The following RALGAPA1 variants were observed in gnomAD, a reference collection of about 807,000 sequenced individuals.
RALGAPA1 encodes Ral GTPase activating protein catalytic subunit alpha 1, also known as ral GTPase-activating protein subunit alpha-1.
Under a neutral mutation model 269.6 loss-of-function variants are expected in RALGAPA1, and 52 were observed. That is an observed-to-expected ratio of 0.19 (90% confidence interval 0.15 to 0.24). The LOEUF (loss-of-function observed/expected upper bound fraction) is 0.24, where lower values mean the gene tolerates loss of function less well. Among genes scored for constraint, RALGAPA1 ranks in the 10% least tolerant of loss-of-function variants. The pLI is 1.00. For synonymous variants in RALGAPA1, 817 were observed against 1,008.3 expected, an observed-to-expected ratio of 0.81 and a Z score of 3.60; for missense variants, 1,917 against 3,013.9, an observed-to-expected ratio of 0.64 and a Z score of 8.52.
At chr14:35,565,218 A>C (rs2056593028) in intron 39 of RALGAPA1, among the ~76,000 whole-genome samples, 1 of 151,638 alleles carries the variant, frequency 6.6e-6, no homozygotes, top group Admixed American at 6.6e-5. Context: ...TAAGGATAAA[A>C]AGAAAAGAAA....
intron 16 of RALGAPA1, among the ~76,000 whole-genome samples, chr14:35,701,425 A>G (rs1313590183): frequency 6.6e-6 from 1 of 152,184 alleles, no homozygotes; most frequent in African/African-American, 2.4e-5. Context: ...AACTCACACA[A>G]GGCCTTTACG....
intron 36 of RALGAPA1, among the ~76,000 whole-genome samples, chr14:35,604,724 A>G (rs1409039897): frequency 6.6e-6 from 1 of 152,138 alleles, no homozygotes. Context: ...TGTACTATAT[A>G]ATAAATATAT....
Position 35,572,730 on chromosome 14 carries a change from A to G in RALGAPA1, c.7210-12T>C. The G allele has an allele frequency of 6.3e-7, 1 of 1,590,640 alleles. No individual in the cohort carries two copies. Among genetic ancestry groups the G allele is most frequent in the Non-Finnish European group, 8.5e-7 (1 of 1,169,840 alleles). ...CCCAAATGTCTCAACTGGAAAGACA[A>G]GAAAACAATTTATACTGCTTTAAAA... On this transcript the variant is annotated splice_polypyrimidine_tract_variant and intron_variant, in intron 37 of 41. Transcript: ENST00000680220.
At chr14:35,751,148 AT>A (rs2072645870) in intron 8 of RALGAPA1, among the ~76,000 whole-genome samples, 3 of 152,196 alleles carry the variant, frequency 2.0e-5, no homozygotes. Flanking sequence ...TATGGCAGAG[AT>A]ATGCTTCTAA....
At chr14:35,685,775 G>A (rs761996184) in intron 19 of RALGAPA1, among the ~76,000 whole-genome samples, 1 of 152,120 alleles carries the variant, frequency 6.6e-6, no homozygotes, top group Non-Finnish European at 1.5e-5. Flanking sequence ...ATGGTGGTGT[G>A]CACCTGTAAT....
chr14:35,723,468 C>T (rs2069616283), intron 14 of RALGAPA1: 3 of 407,304 alleles, frequency 7.4e-6, no homozygotes, highest in Non-Finnish European at 8.8e-6. Context: ...CTGCCAACTC[C>T]CAACACCCAG....
At position 35,710,667 on chromosome 14, in the gene RALGAPA1, G is replaced by T. The variant is rs765277241; in HGVS notation, c.2267-10365C>A. The stretch of plus-strand genomic sequence containing the variant: ...ATGATGTTTCGGTCACCAACAGACC[G>T]CATGTATGATGGTGGTCCTTATGGA... On this transcript the variant is annotated intron_variant, in intron 16 of 41. Coordinates refer to ENST00000680220, the MANE Select transcript of RALGAPA1 (RefSeq NM_001346249.2). 3.9e-5 allele frequency among the ~76,000 whole-genome samples: 6 copies of T among 152,250 alleles called. No individual in the cohort carries two copies. The South Asian group carries it at 1.2e-3, about 32-fold the overall frequency.
chr14:35,777,456 T>A (rs2075122577), intron 1 of RALGAPA1, among the ~76,000 whole-genome samples: 2 of 152,232 alleles, frequency 1.3e-5, no homozygotes, highest in Non-Finnish European at 2.9e-5. Context: ...TAAGTGAGAA[T>A]GCTGGTGAAA....
chr14:35,649,223 G>C lies in RALGAPA1; in HGVS notation c.5676+2582C>G, dbSNP rs2139973997. 2.0e-5 allele frequency among the ~76,000 whole-genome samples: 3 copies of C among 152,238 alleles called. No homozygotes were observed. In the South Asian group the frequency reaches 6.2e-4, roughly 32 times the overall value. Reference sequence around the variant, plus strand: ...GCTCTTTCCTGTATTCCTCACCTTGGCTGTGGGTTCTACTTTGTGAGTATC... The same window carrying C: ...GCTCTTTCCTGTATTCCTCACCTTGCCTGTGGGTTCTACTTTGTGAGTATC... On this transcript the variant is annotated intron_variant, in intron 31 of 41. Transcript: ENST00000680220.
At chr14:35,808,593 C>T (rs1343047515) in intron 1 of RALGAPA1, 137 bp downstream of exon 1, 2 of 846,794 alleles carry the variant, frequency 2.4e-6, no homozygotes, top group South Asian at 1.6e-5. Flanking sequence ...AATTATTCAC[C>T]CTCCCGCGTC....
chr14:35,752,303 AC>A (rs1228427403), intron 7 of RALGAPA1, 141 bp from the exon 8 acceptor site: 10 of 996,390 alleles, frequency 1.0e-5, no homozygotes, highest in Non-Finnish European at 1.3e-5. Context: ...TAGCATAAGG[AC>A]AAATCTTTTA....
intron 16 of RALGAPA1, among the ~76,000 whole-genome samples, chr14:35,704,631 A>C (rs1445107329): frequency 6.6e-6 from 1 of 152,166 alleles, no homozygotes; most frequent in Non-Finnish European, 1.5e-5. Context: ...TTCAACATAG[A>C]CTATACTAGT....
Position 35,656,016 on chromosome 14 carries a change from T to C in RALGAPA1, c.5388-101A>G, listed in dbSNP as rs184264228. On this transcript the variant is annotated intron_variant, in intron 28 of 41. Transcript: ENST00000680220. ...CAGAATGAACATGCACTATTTTAAA[T>C]GAATTAATGAATTTGTTACTCTATA... The C allele has an allele frequency of 4.5e-6, 7 of 1,564,286 alleles. No individual in the cohort carries two copies. In the East Asian group the frequency reaches 6.9e-5, roughly 15 times the overall value.
chr14:35,555,790 A>G (rs991645456), intron 39 of RALGAPA1, among the ~76,000 whole-genome samples: 1 of 152,208 alleles, frequency 6.6e-6, no homozygotes, highest in African/African-American at 2.4e-5. Flanking sequence ...AGCTGGGACT[A>G]GAATCTTGGT....
intron 27 of RALGAPA1, among the ~76,000 whole-genome samples, chr14:35,660,275 C>T (rs999501311): frequency 2.0e-5 from 3 of 151,904 alleles, no homozygotes; most frequent in Non-Finnish European, 2.9e-5. Context: ...ACAGACTCCA[C>T]CAAAAAACTG....
intron 37 of RALGAPA1, among the ~76,000 whole-genome samples, chr14:35,577,206 G>C (rs2057625877): frequency 6.6e-6 from 1 of 152,036 alleles, no homozygotes; most frequent in South Asian, 2.1e-4. Flanking sequence ...TCTATGGCCT[G>C]CTCCATGTTC....
intron 31 of RALGAPA1, 34 bp downstream of exon 31, chr14:35,651,771 C>T (rs1168000913): frequency 1.3e-6 from 2 of 1,553,648 alleles, no homozygotes; most frequent in South Asian, 1.2e-5. Flanking sequence ...TACTAAATAA[C>T]CACATACTAA....
chr14:35,725,229 A>G, intron 13 of RALGAPA1, 76 bp from the exon 14 acceptor site: 2 of 998,178 alleles, frequency 2.0e-6, no homozygotes, highest in Non-Finnish European at 2.8e-6. Context: ...TTTCAAATAC[A>G]TACTTCTTAT....
intron 1 of RALGAPA1, among the ~76,000 whole-genome samples, chr14:35,805,221 C>G (rs1317088184): frequency 6.8e-6 from 1 of 147,970 alleles, no homozygotes; most frequent in Non-Finnish European, 1.5e-5. Context: ...CTCAGGAGTT[C>G]GAAACCAGCC....
Sources: gnomAD v4.1 joint callset for allele counts (sites outside exome capture counted in the v4.1 genomes callset) on GRCh38, gnomAD v4.1.1 for gene constraint, MANE v1.5 for transcripts, NCBI Gene and HGNC (gene_info 2026-07-23, HGNC 2026-07-21) for gene names.